Variants in PTPRD observed in about 807,000 individuals in gnomAD.
PTPRD encodes protein tyrosine phosphatase receptor type D.
In PTPRD, 34 loss-of-function variants were observed where a neutral mutation model predicts 214.5. The ratio of observed to expected loss-of-function variants is 0.16; its 90% confidence interval spans 0.12 to 0.21. The LOEUF (loss-of-function observed/expected upper bound fraction) is 0.21, where lower values mean the gene tolerates loss of function less well. Among genes scored for constraint, PTPRD ranks in the 10% least tolerant of loss-of-function variants. PTPRD has a pLI of 1.00. For synonymous variants in PTPRD, 1,128 were observed against 845.7 expected, an observed-to-expected ratio of 1.33 and a Z score of -5.79; for missense variants, 2,545 against 2,398.7, an observed-to-expected ratio of 1.06 and a Z score of -1.27.
At chr9:9,044,723 G>A (rs1057003827) in intron 10 of PTPRD, among the ~76,000 whole-genome samples, 9 of 152,166 alleles carry the variant, frequency 5.9e-5, no homozygotes, top group Non-Finnish European at 1.3e-4. Flanking sequence ...AGGAGAATAT[G>A]CAGTAATTAC....
chr9:8,425,340 C>G (rs530315321), intron 35 of PTPRD, among the ~76,000 whole-genome samples: 6 of 152,134 alleles, frequency 3.9e-5, no homozygotes, highest in South Asian at 4.1e-4. Flanking sequence ...ATTTCCATGA[C>G]TTTTCTGAAC....
Position 10,406,872 on chromosome 9 carries a change from G to A in PTPRD, c.-599-65855C>T, listed in dbSNP as rs144218600. 8.6e-5 allele frequency among the ~76,000 whole-genome samples: 13 copies of A among 151,586 alleles called. No individual in the cohort carries two copies. The East Asian group carries it at 2.4e-3, about 27-fold the overall frequency. On this transcript the variant is annotated intron_variant, in intron 2 of 45. Coordinates refer to ENST00000381196, the MANE Select transcript of PTPRD (RefSeq NM_002839.4). Reference sequence around the variant, plus strand: ...TCTCACGATCTCACAGGATCCCTGTGGTGAGTGGAAATGGCAACAGACAGG... The same window carrying A: ...TCTCACGATCTCACAGGATCCCTGTAGTGAGTGGAAATGGCAACAGACAGG...
At chr9:9,210,929 T>TC (rs1185098053) in intron 9 of PTPRD, among the ~76,000 whole-genome samples, 15 of 151,996 alleles carry the variant, frequency 9.9e-5, no homozygotes, top group Non-Finnish European at 1.3e-4. Context: ...TTTTCCTATT[T>TC]CTTAATTATT....
In PTPRD at chr9:8,644,949, T is replaced by C. The variant is rs373491543; in HGVS notation, c.65-8105A>G. On this transcript the variant is annotated intron_variant, in intron 12 of 45. Transcript: ENST00000381196. Reference sequence around the variant, plus strand: ...AGCAAAACTTGGATAAAGGTGCCACTGGCCACAGAGGTTTCTGGCCAGGAA... The same window carrying C: ...AGCAAAACTTGGATAAAGGTGCCACCGGCCACAGAGGTTTCTGGCCAGGAA... 2.6e-5 allele frequency among the ~76,000 whole-genome samples: 4 copies of C among 152,362 alleles called. No individual in the cohort carries two copies. In the South Asian group the frequency reaches 6.2e-4, roughly 24 times the overall value.
chr9:8,389,178 T>A lies in PTPRD; in HGVS notation c.4386+54A>T. 3 of 1,480,216 alleles carry A rather than the reference T, an allele frequency of 2.0e-6. No homozygotes were observed. The Admixed American group carries it at 5.9e-5, about 29-fold the overall frequency. The allele number at this position is 1,480,216 out of a possible 1,614,324, so 91.7% of individuals were successfully genotyped here. A position where few individuals can be genotyped will look rare whatever the true frequency, so the allele number is the denominator to read the frequency against. ...TCTGAACAGAATAAAATATGCAACA[T>A]AGGGACTCTGAGGGAAAATTTTTAA... On this transcript the variant is annotated intron_variant, in intron 37 of 45. Coordinates refer to ENST00000381196, the MANE Select transcript of PTPRD (RefSeq NM_002839.4).
chr9:9,040,891 T>A (rs533435281), intron 10 of PTPRD, among the ~76,000 whole-genome samples: 1 of 152,290 alleles, frequency 6.6e-6, no homozygotes, highest in African/African-American at 2.4e-5. Flanking sequence ...TTTTCAGTGC[T>A]AAAGAAGAAA....
chr9:10,402,353 G>C (rs1587352653), intron 2 of PTPRD, among the ~76,000 whole-genome samples: 2 of 151,708 alleles, frequency 1.3e-5, no homozygotes, highest in Admixed American at 6.6e-5. Context: ...CAATTCCTAA[G>C]ATATGTTTTA....
intron 9 of PTPRD, among the ~76,000 whole-genome samples, chr9:9,382,725 A>G (rs3955074): frequency 0.24 from 36,371 of 152,018 alleles, 4,435 homozygotes; most frequent in Middle Eastern, 0.37. Context: ...CAGTACAGCT[A>G]TTATGAAAAA....
At chr9:10,335,117 C>T (rs572498786) in intron 3 of PTPRD, among the ~76,000 whole-genome samples, 7 of 151,394 alleles carry the variant, frequency 4.6e-5, no homozygotes, top group African/African-American at 1.7e-4. Flanking sequence ...AAGCAAAAAC[C>T]CAGAATAGCC....
At chr9:9,846,624 A>G (rs1044016931) in intron 5 of PTPRD, among the ~76,000 whole-genome samples, 2 of 152,296 alleles carry the variant, frequency 1.3e-5, no homozygotes, top group Admixed American at 1.3e-4. Flanking sequence ...GACTATGTCA[A>G]GGAGTTCTGG....
At chr9:8,430,945 T>C (rs2095006201) in intron 35 of PTPRD, among the ~76,000 whole-genome samples, 1 of 152,228 alleles carries the variant, frequency 6.6e-6, no homozygotes, top group East Asian at 1.9e-4. Flanking sequence ...CTTTGACAAC[T>C]ACAAACTCCA....
chr9:10,544,284 A>G (rs2135409257), intron 2 of PTPRD, among the ~76,000 whole-genome samples: 1 of 152,284 alleles, frequency 6.6e-6, no homozygotes, highest in South Asian at 2.1e-4. Flanking sequence ...GTTTCATAAG[A>G]TAGTCTAAAA....
chr9:9,868,040 A>C (rs1368180230), intron 5 of PTPRD, among the ~76,000 whole-genome samples: 2 of 152,094 alleles, frequency 1.3e-5, no homozygotes, highest in African/African-American at 2.4e-5. Flanking sequence ...GGTAGGAAAA[A>C]CGGCCTTCTC....
At chr9:9,803,111 T>C (rs766917302) in intron 5 of PTPRD, among the ~76,000 whole-genome samples, 15 of 152,026 alleles carry the variant, frequency 9.9e-5, no homozygotes, top group South Asian at 4.1e-4. Flanking sequence ...TAGGTAAATA[T>C]ATTGCCAGAC....
intron 11 of PTPRD, among the ~76,000 whole-genome samples, chr9:8,770,961 C>A (rs1292756603): frequency 6.6e-6 from 1 of 151,972 alleles, no homozygotes; most frequent in Non-Finnish European, 1.5e-5. Flanking sequence ...GGGTGGATCA[C>A]AAGGTCAGGA....
intron 11 of PTPRD, among the ~76,000 whole-genome samples, chr9:8,741,583 T>C (rs2091948360): frequency 6.8e-5 from 3 of 44,348 alleles, no homozygotes; most frequent in South Asian, 1.3e-3. Flanking sequence ...TTTTTTTTTT[T>C]TTTTTTTTTT....
chr9:9,894,288 T>C lies in PTPRD; in HGVS notation c.-368+44219A>G, dbSNP rs370827705. ...GATTTCTTCTGGAAAGCAATTCAGA[T>C]TATAGTATCTCCTCATACTTAAAAC... On this transcript the variant is annotated intron_variant, in intron 5 of 45. Transcript: ENST00000381196. 1.8e-4 allele frequency among the ~76,000 whole-genome samples: 28 copies of C among 152,162 alleles called. No homozygotes were observed. The South Asian group carries it at 5.6e-3, about 30-fold the overall frequency.
chr9:8,732,215 A>C (rs1333371733), intron 12 of PTPRD, among the ~76,000 whole-genome samples: 1 of 152,206 alleles, frequency 6.6e-6, no homozygotes, highest in Non-Finnish European at 1.5e-5. Flanking sequence ...TTCACCAGAG[A>C]ATTAAGCAAA....
chr9:9,705,535 C>T (rs1464971706), intron 7 of PTPRD, among the ~76,000 whole-genome samples: 1 of 152,066 alleles, frequency 6.6e-6, no homozygotes, highest in African/African-American at 2.4e-5. Flanking sequence ...AGAAACTGTA[C>T]TCTCAAGCAC....
Sources: gnomAD v4.1 joint callset for allele counts (sites outside exome capture counted in the v4.1 genomes callset) on GRCh38, gnomAD v4.1.1 for gene constraint, MANE v1.5 for transcripts, NCBI Gene and HGNC (gene_info 2026-07-23, HGNC 2026-07-21) for gene names.